Variants in KIAA0040 observed in about 807,000 individuals in gnomAD.
KIAA0040 encodes uncharacterized protein KIAA0040.
KIAA0040 carries 10 observed loss-of-function variants against 7.2 expected under a neutral mutation model. The ratio of observed to expected loss-of-function variants is 1.38; its 90% CI spans 0.85 to 2.34. The LOEUF is 2.34. Among genes scored for constraint, KIAA0040 ranks in the 30% most tolerant of loss-of-function variants. KIAA0040 has a pLI of 0.00. For synonymous variants in KIAA0040, 49 were observed against 40.1 expected, an observed-to-expected ratio of 1.22 and a Z score of -0.84; for missense variants, 89 against 108.2, an observed-to-expected ratio of 0.82 and a Z score of 0.79.
Position 175,161,007 on chromosome 1 carries a change from T to C in KIAA0040, c.7A>G (p.Arg3Gly), listed in dbSNP as rs1676520137. ...ATAGAGCTGAAGAAGGCACTGATTC[T>C]CTCCATGGTGCTTGGCTAGATTAGG... ME[R>G]ISAFFSSIWD... The change falls in exon 4 of 4, where the codon AGA becomes GGA. Residue 3 changes from arginine to glycine, a missense_variant. Physicochemically the swap from Arg to Gly is moderately radical, Grantham distance 125. Coordinates refer to ENST00000423313, the MANE Select transcript of KIAA0040 (RefSeq NM_014656.3). The C allele has an allele frequency of 1.3e-6, 2 of 1,550,024 alleles. No individual in the cohort carries two copies. Among genetic ancestry groups the C allele is most frequent in the Non-Finnish European group, 1.7e-6 (2 of 1,146,478 alleles).
At position 175,160,584 on chromosome 1, in the gene KIAA0040, T is replaced by A. The variant is rs1676488304; in HGVS notation, c.*130A>T. 1 of 904,290 alleles carries A rather than the reference T, an allele frequency of 1.1e-6. No individual in the cohort carries two copies. Among genetic ancestry groups the A allele is most frequent in the Non-Finnish European group, 1.6e-6 (1 of 614,680 alleles). The allele number at this position is 904,290 out of a possible 1,614,324, so 56.0% of individuals were successfully genotyped here. Reference sequence around the variant, plus strand: ...TCCACTGGGACACTTAGTCTGAGGTTTGTTCCTTGGTTGAGTAGTTACTCT... The same window carrying A: ...TCCACTGGGACACTTAGTCTGAGGTATGTTCCTTGGTTGAGTAGTTACTCT... On this transcript the variant is annotated 3_prime_UTR_variant, in exon 4 of 4. Coordinates refer to ENST00000423313, the MANE Select transcript of KIAA0040 (RefSeq NM_014656.3).
chr1:175,183,813 C>A (rs1677541212), intron 1 of KIAA0040, among the ~76,000 whole-genome samples: 1 of 152,180 alleles, frequency 6.6e-6, no homozygotes, highest in African/African-American at 2.4e-5. Context: ...GGGCTTGCAG[C>A]TAGGTGCTTG....
chr1:175,166,060 C>A (rs900789632), intron 3 of KIAA0040, among the ~76,000 whole-genome samples: 1 of 152,174 alleles, frequency 6.6e-6, no homozygotes. Flanking sequence ...CAAATCACCA[C>A]CCTTCTTGTA....
intron 1 of KIAA0040, among the ~76,000 whole-genome samples, chr1:175,183,792 T>C (rs1412012094): frequency 6.6e-6 from 1 of 152,084 alleles, no homozygotes; most frequent in Admixed American, 6.5e-5. Flanking sequence ...CAGCTCTCAA[T>C]GAGAGGGGCG....
chr1:175,178,749 A>C (rs1343257834), intron 1 of KIAA0040, among the ~76,000 whole-genome samples: 1 of 152,220 alleles, frequency 6.6e-6, no homozygotes, highest in Non-Finnish European at 1.5e-5. Flanking sequence ...GAAGACAATG[A>C]TGATAACATC....
intron 1 of KIAA0040, among the ~76,000 whole-genome samples, chr1:175,180,924 A>C (rs1313274376): frequency 1.3e-5 from 2 of 152,144 alleles, no homozygotes; most frequent in Non-Finnish European, 2.9e-5. Context: ...CAATCACTGT[A>C]ACCTTGATTT....
intron 1 of KIAA0040, among the ~76,000 whole-genome samples, chr1:175,178,258 A>G (rs1362888355): frequency 6.6e-6 from 1 of 152,236 alleles, no homozygotes; most frequent in Admixed American, 6.5e-5. Context: ...TGACAAGCAC[A>G]TTCCATCCAC....
intron 2 of KIAA0040, among the ~76,000 whole-genome samples, chr1:175,172,104 C>G (rs376399721): frequency 1.3e-5 from 2 of 152,260 alleles, no homozygotes; most frequent in East Asian, 3.9e-4. Context: ...TTCTTTCCTT[C>G]CTTTTCTCTC....
intron 1 of KIAA0040, among the ~76,000 whole-genome samples, chr1:175,187,809 A>G (rs1310491535): frequency 1.3e-5 from 2 of 151,972 alleles, no homozygotes; most frequent in Admixed American, 6.6e-5. Flanking sequence ...TGAAGACTAA[A>G]CATACTATCA....
intron 2 of KIAA0040, among the ~76,000 whole-genome samples, chr1:175,169,896 T>G (rs1676917620): frequency 6.6e-6 from 1 of 152,142 alleles, no homozygotes; most frequent in Non-Finnish European, 1.5e-5. Context: ...TTCCCTTTTT[T>G]CCCTCCCTCA....
At chr1:175,190,228 T>C (rs1043865378) in intron 1 of KIAA0040, among the ~76,000 whole-genome samples, 1 of 152,238 alleles carries the variant, frequency 6.6e-6, no homozygotes, top group Admixed American at 6.5e-5. Context: ...TTTTAGGAAT[T>C]ATCCTCCAAG....
At chr1:175,169,591 T>C (rs1481680930) in intron 2 of KIAA0040, among the ~76,000 whole-genome samples, 1 of 152,234 alleles carries the variant, frequency 6.6e-6, no homozygotes, top group Non-Finnish European at 1.5e-5. Flanking sequence ...CTTTTTCAAA[T>C]GTGAGATGGT....
At chr1:175,163,577 T>C (rs1014348856) in intron 3 of KIAA0040, among the ~76,000 whole-genome samples, 1 of 152,214 alleles carries the variant, frequency 6.6e-6, no homozygotes, top group Admixed American at 6.5e-5. Context: ...GGTGATGCTG[T>C]ATCTCAGGCC....
rs1676375989 is a variant in KIAA0040, at chr1:175,158,312, A to G, written c.*2402T>C. 6.6e-6 allele frequency: 1 copy of G among 152,222 alleles called. No individual in the cohort carries two copies. The allele number at this position is 152,222 out of a possible 1,614,324, so 9.4% of individuals were successfully genotyped here. On this transcript the variant is annotated 3_prime_UTR_variant, in exon 4 of 4. Coordinates refer to ENST00000423313, the MANE Select transcript of KIAA0040 (RefSeq NM_014656.3). Reference sequence around the variant, plus strand: ...TCATCCCTGGGGTGAGAGCAAGTCCATTGGATTAGGAGACAGCAGGGACAT... The same window carrying G: ...TCATCCCTGGGGTGAGAGCAAGTCCGTTGGATTAGGAGACAGCAGGGACAT...
chr1:175,185,294 G>C (rs188262643), intron 1 of KIAA0040, among the ~76,000 whole-genome samples: 2 of 152,302 alleles, frequency 1.3e-5, no homozygotes, highest in Admixed American at 1.3e-4. Flanking sequence ...GTTGACATGA[G>C]GGTTAGGTAA....
chr1:175,181,816 C>T (rs935928671), intron 1 of KIAA0040, among the ~76,000 whole-genome samples: 5 of 152,140 alleles, frequency 3.3e-5, no homozygotes, highest in African/African-American at 7.2e-5. Context: ...GCAGCAGGGA[C>T]GGGAAAGAAA....
chr1:175,190,152 T>C (rs1433263416), intron 1 of KIAA0040, among the ~76,000 whole-genome samples: 2 of 152,234 alleles, frequency 1.3e-5, no homozygotes, highest in Non-Finnish European at 2.9e-5. Context: ...ATTTTTCACA[T>C]GGAGGAGTGA....
chr1:175,166,915 G>A (rs1676787214), intron 2 of KIAA0040, among the ~76,000 whole-genome samples, 178 bp from the exon 3 acceptor site: 1 of 152,158 alleles, frequency 6.6e-6, no homozygotes, highest in African/African-American at 2.4e-5. Flanking sequence ...CAGGCATCGT[G>A]CAGTGACTAA....
At position 175,177,673 on chromosome 1, in the gene KIAA0040, A is replaced by G. The variant is rs1362018200; in HGVS notation, c.-372T>C. 6.6e-6 allele frequency: 1 copy of G among 152,204 alleles called. No homozygotes were observed. Among genetic ancestry groups the G allele is most frequent in the Non-Finnish European group, 1.5e-5 (1 of 68,028 alleles). 9.4% of individuals were successfully genotyped at this position (152,204 alleles called of 1,614,324 possible). Reference sequence around the variant, plus strand: ...GAGTCTCAGTTTCTTCATCTCCAAAATGGGGAACAATCTAGAAGAATACAC... The same window carrying G: ...GAGTCTCAGTTTCTTCATCTCCAAAGTGGGGAACAATCTAGAAGAATACAC... On this transcript the variant is annotated 5_prime_UTR_variant, in exon 2 of 4. Transcript: ENST00000423313.
Sources: gnomAD v4.1 joint callset for allele counts (sites outside exome capture counted in the v4.1 genomes callset) on GRCh38, gnomAD v4.1.1 for gene constraint, MANE v1.5 for transcripts, NCBI Gene and HGNC (gene_info 2026-07-23, HGNC 2026-07-21) for gene names.